The following PEX1 variants were observed in gnomAD, a reference collection of about 807,000 sequenced individuals.
PEX1 encodes peroxisomal biogenesis factor 1.
In PEX1, 97 loss-of-function variants were observed where a neutral mutation model predicts 152.5. That is an observed-to-expected ratio of 0.64 (90% CI 0.54 to 0.75). The LOEUF (loss-of-function observed/expected upper bound fraction) is 0.75. PEX1 is among the 30% of genes least tolerant of loss of function. The pLI, the probability that PEX1 is intolerant of heterozygous loss-of-function variation, is 0.00. For synonymous variants in PEX1, 485 were observed against 531.6 expected (o/e 0.91, Z 1.21); for missense variants, 1,357 against 1,516.3 (o/e 0.89, Z 1.74).
chr7:92,515,895 G>A (rs1056333912), intron 5 of PEX1, among the ~76,000 whole-genome samples: 2 of 152,020 alleles, frequency 1.3e-5, no homozygotes, highest in African/African-American at 4.8e-5. Flanking sequence ...TCTGAAGGCT[G>A]AGGCAGGAGA....
At chr7:92,504,572 T>C (rs1792086332) in intron 12 of PEX1, among the ~76,000 whole-genome samples, 160 bp downstream of exon 12, 1 of 152,210 alleles carries the variant, frequency 6.6e-6, no homozygotes, top group Admixed American at 6.5e-5. Flanking sequence ...ATTTTGCTAT[T>C]ACAGTCTATA....
chr7:92,488,173 G>T (rs1791039541), intron 23 of PEX1, among the ~76,000 whole-genome samples: 1 of 152,138 alleles, frequency 6.6e-6, no homozygotes, highest in Non-Finnish European at 1.5e-5. Flanking sequence ...GATGTATGTG[G>T]ATAAAGGGGG....
Position 92,519,087 on chromosome 7 carries a change from A to T in PEX1, c.274-9T>A. 6.6e-7 allele frequency: 1 copy of T among 1,521,340 alleles called. No individual in the cohort carries two copies. The highest frequency in any genetic ancestry group is 9.1e-7 in the Non-Finnish European group (1 of 1,097,484). 94.2% of individuals were successfully genotyped at this position (1,521,340 alleles called of 1,614,324 possible). On this transcript the variant is annotated splice_polypyrimidine_tract_variant and intron_variant, in intron 2 of 23. Transcript: ENST00000248633. ...CATGGCTTGAGAAATACCTAGAAAA[A>T]ATTAAAAATTTAAAACTACTTTAAA...
intron 15 of PEX1, among the ~76,000 whole-genome samples, chr7:92,500,715 T>C (rs978886355): frequency 1.3e-5 from 2 of 152,170 alleles, no homozygotes; most frequent in Admixed American, 6.5e-5. Flanking sequence ...CTCCTTTGCA[T>C]GGGTCCCTGA....
At position 92,496,794 on chromosome 7, in the gene PEX1, GA is replaced by G. The variant is rs779261740; in HGVS notation, c.2719-18del. On this transcript the variant is annotated intron_variant, in intron 16 of 23. Coordinates refer to ENST00000248633, the MANE Select transcript of PEX1 (RefSeq NM_000466.3). ...CTCTGGCCCCTATTGGGTAAAATAA[GA>G]GTTGAGATAAAATTATTTAAAAAGA... 6 of 1,525,298 alleles carry G rather than the reference GA, an allele frequency of 3.9e-6. No homozygotes were observed. The East Asian group carries it at 1.4e-4, about 34-fold the overall frequency. 94.5% of individuals were successfully genotyped at this position (1,525,298 alleles called of 1,614,324 possible).
chr7:92,510,814 A>C (rs1792426414), intron 8 of PEX1, 130 bp downstream of exon 8: 1 of 590,438 alleles, frequency 1.7e-6, no homozygotes, highest in Non-Finnish European at 3.1e-6. Context: ...TTTTAAATCA[A>C]GTTATTCCTT....
intron 1 of PEX1, among the ~76,000 whole-genome samples, chr7:92,527,041 T>C (rs1396696236): frequency 6.6e-6 from 1 of 152,230 alleles, no homozygotes; most frequent in Non-Finnish European, 1.5e-5. Flanking sequence ...AGTTGACCTA[T>C]TCTGCTAATA....
At chr7:92,508,210 G>A (rs1792291541) in intron 9 of PEX1, among the ~76,000 whole-genome samples, 1 of 152,076 alleles carries the variant, frequency 6.6e-6, no homozygotes, top group South Asian at 2.1e-4. Context: ...ACTACTTCTT[G>A]ACTGTGACTG....
At chr7:92,521,985 G>C (rs1172890993) in intron 2 of PEX1, 117 bp downstream of exon 2, 1 of 957,276 alleles carries the variant, frequency 1.0e-6, no homozygotes, top group Non-Finnish European at 1.7e-6. Flanking sequence ...TTACATAATA[G>C]CATACAAATT....
chr7:92,502,309 T>G (rs893890888), intron 13 of PEX1, among the ~76,000 whole-genome samples: 1 of 152,186 alleles, frequency 6.6e-6, no homozygotes, highest in Admixed American at 6.5e-5. Context: ...CATCTACATA[T>G]GTTAAAACTG....
At chr7:92,525,030 ATACTTC>A (rs767590880) in intron 1 of PEX1, among the ~76,000 whole-genome samples, 2 of 152,240 alleles carry the variant, frequency 1.3e-5, no homozygotes, top group Non-Finnish European at 2.9e-5. Context: ...AGGAGGAAAA[ATACTTC>A]TAATTATTTA....
At chr7:92,493,838 A>G (rs767498068) in intron 19 of PEX1, 19 of 192,608 alleles carry the variant, frequency 9.9e-5, no homozygotes, top group Non-Finnish European at 1.6e-4. Flanking sequence ...CTGTTCTTTC[A>G]TTCATTTATT....
chr7:92,507,101 A>G lies in PEX1; in HGVS notation c.1696T>C (p.Ser566Pro). 6.2e-7 allele frequency: 1 copy of G among 1,613,900 alleles called. No homozygotes were observed. The highest frequency in any genetic ancestry group is 2.2e-5 in the East Asian group (1 of 44,876). ...LGGVNSLGVS[S>P]LEHITHSLLG... ...AGGCTGTGAGTGATGTGCTCCAAGGAGGATACGCCTAAGGAATTCACTCCT... is the reference window on the plus strand; with the variant it reads ...AGGCTGTGAGTGATGTGCTCCAAGGGGGATACGCCTAAGGAATTCACTCCT... Residue 566 changes from serine (S) to proline (P), a missense_variant, in exon 10 of 24, where the codon TCC becomes CCC. By Grantham distance (74) the Ser-to-Pro change is moderately conservative. Transcript: ENST00000248633.
rs1793210439 is a variant in PEX1 at position 92,525,175 on chromosome 7, T to C, written c.130-2930A>G. Among the ~76,000 whole-genome samples, 7 of 152,338 alleles carry C rather than the reference T, an allele frequency of 4.6e-5. No homozygotes were observed. In the South Asian group the frequency reaches 1.4e-3, roughly 32 times the overall value. ...ATACTTCACTTGAACCACAGAGCCC[T>C]GGCTATTCAGGTAAAGAGAAGAAAG... On this transcript the variant is annotated intron_variant, in intron 1 of 23. Transcript: ENST00000248633.
At chr7:92,508,555 TTTTA>T (rs1792308684) in intron 9 of PEX1, among the ~76,000 whole-genome samples, 1 of 151,724 alleles carries the variant, frequency 6.6e-6, no homozygotes, top group Non-Finnish European at 1.5e-5. Flanking sequence ...AAAAAAGAGA[TTTTA>T]TTTTATATTA....
intron 19 of PEX1, 155 bp from the exon 20 acceptor site, chr7:92,493,284 T>C: frequency 4.2e-6 from 2 of 479,022 alleles, no homozygotes; most frequent in Middle Eastern, 5.6e-4. Context: ...ACTATTTATC[T>C]TCCTTGGAAT....
rs780791624 is a variant in PEX1 at position 92,518,220 on chromosome 7, T to C, written c.393A>G (p.Leu131=). The change falls in exon 4 of 24, where the codon CTA becomes CTG. Residue 131 remains leucine, a synonymous_variant. Coordinates refer to ENST00000248633, the MANE Select transcript of PEX1 (RefSeq NM_000466.3). ...TTGGAAAAACTATTCGAATTTGATC[T>C]AGAAGATGTTGTTCAAGGGAAACAG... ...LHAVSLEQHL[L]DQIRIVFPKA... The C allele has an allele frequency of 4.3e-6, 7 of 1,613,256 alleles. No individual in the cohort carries two copies. In the East Asian group the frequency reaches 1.1e-4, roughly 26 times the overall value.
At chr7:92,494,196 C>T in intron 19 of PEX1, 97 bp downstream of exon 19, 1 of 889,310 alleles carries the variant, frequency 1.1e-6, no homozygotes, top group Non-Finnish European at 1.8e-6. Flanking sequence ...GAAAGCTGGT[C>T]TTCTAAGGAC....
At chr7:92,496,509 A>G (rs1585223985) in intron 17 of PEX1, among the ~76,000 whole-genome samples, 1 of 152,212 alleles carries the variant, frequency 6.6e-6, no homozygotes, top group Non-Finnish European at 1.5e-5. Context: ...TTGTAAAACA[A>G]AACCAAATAA....
Sources: allele counts gnomAD v4.1 joint callset (sites outside exome capture counted in the v4.1 genomes callset), GRCh38; gene constraint gnomAD v4.1.1; transcripts MANE v1.5; gene names NCBI Gene and HGNC (gene_info 2026-07-23, HGNC 2026-07-21).